The following SPIRE1 variants were observed in gnomAD, a reference collection of about 807,000 sequenced individuals.
The protein encoded by SPIRE1 is spire type actin nucleation factor 1, also known as protein spire homolog 1.
Under a neutral mutation model 94.1 loss-of-function variants are expected in SPIRE1, and 40 were observed. That is an observed-to-expected ratio of 0.43 (90% CI 0.33 to 0.55). The LOEUF (loss-of-function observed/expected upper bound fraction) is 0.55. SPIRE1 is among the 20% of genes least tolerant of loss of function. SPIRE1 has a pLI of 0.06. For synonymous variants in SPIRE1, 376 were observed against 371.7 expected, an observed-to-expected ratio of 1.01 and a Z score of -0.13; for missense variants, 838 against 975.2, an observed-to-expected ratio of 0.86 and a Z score of 1.87.
At chr18:12,573,976 T>C (rs572855304) in intron 2 of SPIRE1, among the ~76,000 whole-genome samples, 3 of 152,304 alleles carry the variant, frequency 2.0e-5, no homozygotes, top group African/African-American at 7.2e-5. Context: ...CCTGACCTCA[T>C]GATCCACCCA....
Position 12,478,390 on chromosome 18 carries a change from G to A in SPIRE1, c.1404+1309C>T, listed in dbSNP as rs182517094. Among the ~76,000 whole-genome samples, 143 of 150,090 alleles carry A rather than the reference G, an allele frequency of 9.5e-4. 3 individuals carry two copies. Among genetic ancestry groups the A allele is most frequent in the Admixed American group, 9.0e-3 (135 of 15,078 alleles). On this transcript the variant is annotated intron_variant, in intron 10 of 16. Coordinates refer to ENST00000409402, the MANE Select transcript of SPIRE1 (RefSeq NM_001128626.2). ...GTATGAAGCTAGAGTGTGTGTGTGC[G>A]CATGTGCGCGTGTAGCTAGGGTGTG...
intron 3 of SPIRE1, among the ~76,000 whole-genome samples, chr18:12,539,758 C>A (rs2034959265): frequency 1.3e-5 from 2 of 151,684 alleles, no homozygotes; most frequent in African/African-American, 2.4e-5. Flanking sequence ...AACCCCGTCT[C>A]TACTAAAAAT....
At chr18:12,450,994 T>C in intron 16 of SPIRE1, 2 of 580,538 alleles carry the variant, frequency 3.4e-6, no homozygotes, top group East Asian at 3.5e-5. Flanking sequence ...AAGAGGAAGA[T>C]GAAGATGAAC....
chr18:12,612,409 C>T (rs1475770832), intron 2 of SPIRE1, among the ~76,000 whole-genome samples: 3 of 152,228 alleles, frequency 2.0e-5, no homozygotes, highest in Admixed American at 6.5e-5. Flanking sequence ...TGCTGGAGTG[C>T]GCCAGGGCTC....
intron 8 of SPIRE1, among the ~76,000 whole-genome samples, chr18:12,487,105 G>A (rs879567767): frequency 3.3e-4 from 50 of 152,188 alleles, no homozygotes; most frequent in Admixed American, 3.3e-4. Context: ...TACATGCCTC[G>A]GCCTCCCAAA....
chr18:12,589,503 A>G (rs1165258274), intron 2 of SPIRE1, among the ~76,000 whole-genome samples: 1 of 152,180 alleles, frequency 6.6e-6, no homozygotes, highest in Non-Finnish European at 1.5e-5. Context: ...ATCAACAGGA[A>G]AGAAAAGGCA....
chr18:12,553,269 G>A (rs2035409092), intron 2 of SPIRE1, among the ~76,000 whole-genome samples: 1 of 152,234 alleles, frequency 6.6e-6, no homozygotes. Context: ...CACCAAGTAG[G>A]CTCTTGGGGC....
chr18:12,515,065 C>A (rs747182806), intron 4 of SPIRE1, among the ~76,000 whole-genome samples: 7 of 152,120 alleles, frequency 4.6e-5, no homozygotes, highest in African/African-American at 1.7e-4. Context: ...CTTGGAAACA[C>A]GTTCTTTCTG....
intron 8 of SPIRE1, among the ~76,000 whole-genome samples, chr18:12,488,662 C>A (rs1269150104): frequency 6.6e-6 from 1 of 152,018 alleles, no homozygotes; most frequent in Non-Finnish European, 1.5e-5. Flanking sequence ...AGCAAGATGT[C>A]AGAATCATAT....
chr18:12,654,964 G>A (rs1423402427), intron 1 of SPIRE1, among the ~76,000 whole-genome samples: 22 of 151,534 alleles, frequency 1.5e-4, no homozygotes. Flanking sequence ...GGAGGCAGAG[G>A]TTGCAGTGAG....
chr18:12,626,680 A>C (rs2037634098), intron 2 of SPIRE1, among the ~76,000 whole-genome samples: 1 of 130,244 alleles, frequency 7.7e-6, no homozygotes, highest in Non-Finnish European at 1.7e-5. Flanking sequence ...GAAAAGACAA[A>C]TATATGAAAA....
At chr18:12,495,359 A>C (rs755224126) in intron 7 of SPIRE1, among the ~76,000 whole-genome samples, 1 of 152,242 alleles carries the variant, frequency 6.6e-6, no homozygotes, top group South Asian at 2.1e-4. Flanking sequence ...ATGGATGTAC[A>C]GCAGGTGGAT....
chr18:12,623,156 T>C (rs539410714), intron 2 of SPIRE1, among the ~76,000 whole-genome samples: 12 of 109,500 alleles, frequency 1.1e-4, no homozygotes, highest in Admixed American at 2.6e-4. Flanking sequence ...ACAACAAATA[T>C]ACATTTTTTT....
At chr18:12,483,158 T>G (rs930182165) in intron 9 of SPIRE1, among the ~76,000 whole-genome samples, 3 of 152,134 alleles carry the variant, frequency 2.0e-5, no homozygotes, top group Non-Finnish European at 2.9e-5. Flanking sequence ...TTTTGCCATG[T>G]TGCCCAGGCT....
At chr18:12,597,714 G>A (rs986301365) in intron 2 of SPIRE1, among the ~76,000 whole-genome samples, 2 of 152,130 alleles carry the variant, frequency 1.3e-5, no homozygotes, top group South Asian at 2.1e-4. Flanking sequence ...AAATAGATAC[G>A]GTCTCCGCTG....
intron 3 of SPIRE1, among the ~76,000 whole-genome samples, chr18:12,537,490 C>T (rs1286418082): frequency 1.3e-5 from 2 of 152,198 alleles, no homozygotes; most frequent in Admixed American, 6.5e-5. Flanking sequence ...CAAAACAAAA[C>T]TTGCACATTC....
chr18:12,566,059 G>C (rs1360657645), intron 2 of SPIRE1, among the ~76,000 whole-genome samples: 1 of 151,078 alleles, frequency 6.6e-6, no homozygotes, highest in East Asian at 2.0e-4. Flanking sequence ...CTTTAGGCTG[G>C]GTGTGGTAGC....
At chr18:12,658,622 G>T (rs746163225), upstream of SPIRE1, 3 of 469,948 alleles carry the variant, frequency 6.4e-6, no homozygotes, top group Non-Finnish European at 1.3e-5. Context: ...CGCCTGGAGC[G>T]GATGCCTAAG....
intron 4 of SPIRE1, among the ~76,000 whole-genome samples, chr18:12,522,122 G>C (rs966962280): frequency 2.0e-5 from 3 of 152,234 alleles, no homozygotes; most frequent in Non-Finnish European, 2.9e-5. Flanking sequence ...TGGGCTGAAA[G>C]CTAGGCTCCT....
Sources: allele counts gnomAD v4.1 joint callset (sites outside exome capture counted in the v4.1 genomes callset), GRCh38; gene constraint gnomAD v4.1.1; transcripts MANE v1.5; gene names NCBI Gene and HGNC (gene_info 2026-07-23, HGNC 2026-07-21).